ENOX1: variants seen among roughly 807,000 people sequenced by gnomAD.
ENOX1 encodes the protein candidate growth-related and time keeping constitutive hydroquinone (NADH) oxidase.
A neutral mutation model predicts 82.5 loss-of-function variants in ENOX1; 42 were observed. The observed-to-expected ratio is 0.51, with a 90% CI of 0.40 to 0.66. The LOEUF is 0.66. Ranked by LOEUF, ENOX1 falls within the 30% of genes least tolerant of loss-of-function variation. The pLI is 0.00. For missense variants in ENOX1, 608 were observed against 811.6 expected (o/e 0.75, Z 3.05); for synonymous variants, 271 against 282.2 (o/e 0.96, Z 0.40).
intron 5 of ENOX1, among the ~76,000 whole-genome samples, chr13:43,381,832 G>T (rs2052071989): frequency 6.6e-6 from 1 of 151,908 alleles, no homozygotes; most frequent in African/African-American, 2.4e-5. Flanking sequence ...AATCTATATA[G>T]CTCTGTATCT....
Position 43,483,995 on chromosome 13 carries a change from A to T in ENOX1, c.-75+14T>A. The stretch of plus-strand genomic sequence containing the variant: ...AGTATCTTCAGTAAGAAAAATGAAA[A>T]AATTAACACAAACCTCAAAACTGCC... On this transcript the variant is annotated intron_variant, in intron 3 of 16. Coordinates refer to ENST00000690772, the MANE Select transcript of ENOX1 (RefSeq NM_001347969.2). 1 of 985,534 alleles carries T rather than the reference A, an allele frequency of 1.0e-6. No homozygotes were observed. The allele number at this position is 985,534 out of a possible 1,614,324, so 61.0% of individuals were successfully genotyped here.
chr13:43,761,985 A>G (rs1951007471), intron 1 of ENOX1, among the ~76,000 whole-genome samples: 1 of 152,198 alleles, frequency 6.6e-6, no homozygotes. Context: ...CATATGTCCT[A>G]TAAAACTGGA....
At chr13:43,232,197 G>T (rs987634111) in intron 15 of ENOX1, among the ~76,000 whole-genome samples, 2 of 150,876 alleles carry the variant, frequency 1.3e-5, no homozygotes, top group Admixed American at 1.3e-4. Context: ...GCCTCCCAAG[G>T]TGCTAGGATT....
At chr13:43,557,120 T>C (rs1277308757) in intron 2 of ENOX1, among the ~76,000 whole-genome samples, 1 of 152,188 alleles carries the variant, frequency 6.6e-6, no homozygotes, top group Non-Finnish European at 1.5e-5. Context: ...GGAAAGACAG[T>C]GGCTGGACTG....
At chr13:43,709,058 T>A (rs1015235929) in intron 1 of ENOX1, among the ~76,000 whole-genome samples, 1 of 152,144 alleles carries the variant, frequency 6.6e-6, no homozygotes, top group Non-Finnish European at 1.5e-5. Flanking sequence ...TGACAAATGA[T>A]GTATATACAA....
At chr13:43,263,605 C>T (rs1255425147) in intron 14 of ENOX1, among the ~76,000 whole-genome samples, 1 of 152,236 alleles carries the variant, frequency 6.6e-6, no homozygotes, top group East Asian at 1.9e-4. Context: ...CTAATTCAAT[C>T]AGCAGATCAA....
At chr13:43,278,269 A>G (rs983874947) in intron 12 of ENOX1, among the ~76,000 whole-genome samples, 3 of 152,204 alleles carry the variant, frequency 2.0e-5, no homozygotes, top group African/African-American at 7.2e-5. Context: ...CTAGCTTTAT[A>G]CAGTCTGCCC....
At chr13:43,428,856 TCTAACTC>T (rs1408319785) in intron 3 of ENOX1, among the ~76,000 whole-genome samples, 1 of 152,146 alleles carries the variant, frequency 6.6e-6, no homozygotes, top group East Asian at 1.9e-4. Flanking sequence ...AAACCCAACT[TCTAACTC>T]CTATTCCAAG....
At chr13:43,525,668 A>T (rs1193218144) in intron 2 of ENOX1, among the ~76,000 whole-genome samples, 2 of 152,124 alleles carry the variant, frequency 1.3e-5, no homozygotes, top group African/African-American at 4.8e-5. Flanking sequence ...GATAGTAGTC[A>T]TCCTAACAGG....
chr13:43,479,518 G>A (rs1013007835), intron 3 of ENOX1, among the ~76,000 whole-genome samples: 1 of 152,068 alleles, frequency 6.6e-6, no homozygotes, highest in Non-Finnish European at 1.5e-5. Context: ...CCTGTACTGA[G>A]TTCTAATATT....
At chr13:43,306,518 C>T (rs985409174) in intron 11 of ENOX1, among the ~76,000 whole-genome samples, 1 of 152,066 alleles carries the variant, frequency 6.6e-6, no homozygotes, top group Non-Finnish European at 1.5e-5. Flanking sequence ...GGAATTGTAC[C>T]CCCTCCCCTG....
chr13:43,426,189 T>C (rs1259651494), intron 3 of ENOX1, among the ~76,000 whole-genome samples: 12 of 152,180 alleles, frequency 7.9e-5, no homozygotes. Context: ...TATTTATTCA[T>C]GGATTACATA....
rs182805744 is a variant in ENOX1 at position 43,614,043 on chromosome 13, G to A, written c.-219+53436C>T. Among the ~76,000 whole-genome samples, 13 of 152,268 alleles carry A rather than the reference G, an allele frequency of 8.5e-5. No homozygotes were observed. The East Asian group carries it at 2.5e-3, about 29-fold the overall frequency. Reference sequence around the variant, plus strand: ...GTCCTAGGAATGCAGAATATAAAAGGTGGGGCAACAGGGCATGTGGTGCTT... The same window carrying A: ...GTCCTAGGAATGCAGAATATAAAAGATGGGGCAACAGGGCATGTGGTGCTT... On this transcript the variant is annotated intron_variant, in intron 2 of 16. Coordinates refer to ENST00000690772, the MANE Select transcript of ENOX1 (RefSeq NM_001347969.2).
At chr13:43,596,369 T>G (rs1301009783) in intron 2 of ENOX1, among the ~76,000 whole-genome samples, 1 of 152,238 alleles carries the variant, frequency 6.6e-6, no homozygotes, top group Non-Finnish European at 1.5e-5. Context: ...TAGGAAATAA[T>G]ACTCATATGT....
chr13:43,575,199 G>A (rs960216427), intron 2 of ENOX1, among the ~76,000 whole-genome samples: 2 of 152,126 alleles, frequency 1.3e-5, no homozygotes, highest in Non-Finnish European at 2.9e-5. Context: ...TTAAAAGAAC[G>A]CAGGGGACTG....
intron 11 of ENOX1, among the ~76,000 whole-genome samples, chr13:43,317,757 A>G (rs1430971487): frequency 7.3e-5 from 11 of 151,656 alleles, no homozygotes; most frequent in Non-Finnish European, 1.0e-4. Context: ...TGTAATCCCA[A>G]CACTTTGGGA....
At chr13:43,467,946 T>C (rs2057808187) in intron 3 of ENOX1, among the ~76,000 whole-genome samples, 1 of 150,640 alleles carries the variant, frequency 6.6e-6, no homozygotes, top group Admixed American at 6.6e-5. Context: ...TGAATTGCTC[T>C]GGAACCCTTT....
In ENOX1 at chr13:43,416,095, G is replaced by GCC. The variant is rs2054493447; in HGVS notation, c.-74-3108_-74-3107insGG. Among the ~76,000 whole-genome samples the GCC allele has an allele frequency of 7.4e-3, 1,051 of 141,334 alleles. 6 individuals carry two copies. Among genetic ancestry groups the GCC allele is most frequent in the Middle Eastern group, 0.017 (4 of 230 alleles). 92.7% of individuals were successfully genotyped at this position (141,334 alleles called of 152,430 possible). ...CGCTCCCCATCTCCCAGACGGGGCG[G>GCC]ATGGGCAGAGATGCTCCCCACTTCC... On this transcript the variant is annotated intron_variant, in intron 3 of 16. Coordinates refer to ENST00000690772, the MANE Select transcript of ENOX1 (RefSeq NM_001347969.2).
intron 11 of ENOX1, among the ~76,000 whole-genome samples, chr13:43,309,984 A>G (rs952921903): frequency 6.6e-6 from 1 of 152,026 alleles, no homozygotes; most frequent in Admixed American, 6.6e-5. Context: ...TGGGCATATC[A>G]TGAGGTCAGG....
Sources: allele counts gnomAD v4.1 joint callset (sites outside exome capture counted in the v4.1 genomes callset), GRCh38; gene constraint gnomAD v4.1.1; transcripts MANE v1.5; gene names NCBI Gene and HGNC (gene_info 2026-07-23, HGNC 2026-07-21).